Variants in PADI2 observed in about 807,000 individuals in gnomAD.
PADI2 encodes the protein protein-arginine deiminase type-2.
A neutral mutation model predicts 81.1 loss-of-function variants in PADI2; 70 were observed. That is an observed-to-expected ratio of 0.86 (90% CI 0.71 to 1.05). The LOEUF (loss-of-function observed/expected upper bound fraction) is 1.05. PADI2 is among the 50% of genes least tolerant of loss of function. The pLI is 0.00. For missense variants in PADI2, 853 were observed against 889.9 expected, an observed-to-expected ratio of 0.96 and a Z score of 0.53; for synonymous variants, 338 against 358.0, an observed-to-expected ratio of 0.94 and a Z score of 0.63.
intron 1 of PADI2, among the ~76,000 whole-genome samples, chr1:17,105,543 C>T (rs1451660191): frequency 6.6e-6 from 1 of 152,080 alleles, no homozygotes; most frequent in Non-Finnish European, 1.5e-5. Context: ...TACAGGCATG[C>T]ACCACCACAG....
chr1:17,101,033 TG>T (rs1351564897), intron 3 of PADI2, among the ~76,000 whole-genome samples: 4 of 151,766 alleles, frequency 2.6e-5, no homozygotes, highest in Non-Finnish European at 5.9e-5. Context: ...TCTCATTTTT[TG>T]GGGGGTGGGG....
At chr1:17,075,893 GTC>G in intron 11 of PADI2, 70 bp from the exon 12 acceptor site, 1 of 1,494,968 alleles carries the variant, frequency 6.7e-7, no homozygotes, top group East Asian at 2.3e-5. Flanking sequence ...GAGGAGTTTG[GTC>G]TCTGGGACCC....
chr1:17,103,143 C>A, intron 2 of PADI2, 84 bp from the exon 3 acceptor site: 1 of 944,430 alleles, frequency 1.1e-6, no homozygotes. Flanking sequence ...GAAGCAACTG[C>A]TGTCCCTCAC....
chr1:17,103,385 G>A (rs751382683), intron 2 of PADI2, among the ~76,000 whole-genome samples: 70 of 152,202 alleles, frequency 4.6e-4, no homozygotes, highest in Non-Finnish European at 8.8e-4. Context: ...AGGGGACAGG[G>A]CTGAGGCTAT....
At chr1:17,084,524 C>G in intron 8 of PADI2, 75 bp downstream of exon 8, 3 of 852,260 alleles carry the variant, frequency 3.5e-6, no homozygotes, top group Non-Finnish European at 5.6e-6. Context: ...GGGCCAGGAA[C>G]TAGACTCATG....
chr1:17,110,388 G>A (rs1039118568), intron 1 of PADI2, among the ~76,000 whole-genome samples: 6 of 152,128 alleles, frequency 3.9e-5, no homozygotes, highest in Non-Finnish European at 7.3e-5. Flanking sequence ...CCAGGACATG[G>A]ATATGCTCAG....
intron 3 of PADI2, among the ~76,000 whole-genome samples, chr1:17,097,219 C>T (rs1272212264): frequency 2.0e-5 from 3 of 152,190 alleles, no homozygotes; most frequent in South Asian, 2.1e-4. Context: ...GGTTAGTCCC[C>T]GTGGCAGGCA....
chr1:17,083,439 A>G (rs2078361736), intron 9 of PADI2: 2 of 400,540 alleles, frequency 5.0e-6, no homozygotes, highest in South Asian at 3.7e-5. Flanking sequence ...ATCCATATTG[A>G]GAGACTGGCT....
chr1:17,075,708 T>G lies in PADI2; in HGVS notation c.1426A>C (p.Met476Leu). ...WLTVGHVDEF[M>L]SFVPIPGTKK... ...GTGCCGGGGATGGGGACAAAGGACA[T>G]GAACTCATCCACGTGGCCCACAGTC... The change falls in exon 12 of 16, where the codon ATG becomes CTG. Residue 476 changes from methionine to leucine, a missense_variant. By Grantham distance (15) the Met-to-Leu change is conservative. Transcript: ENST00000375486. 1 of 1,613,938 alleles carries G rather than the reference T, an allele frequency of 6.2e-7. No homozygotes were observed. Among genetic ancestry groups the G allele is most frequent in the South Asian group, 1.1e-5 (1 of 91,070 alleles).
Position 17,096,137 on chromosome 1 carries a change from C to G in PADI2, c.350-167G>C, listed in dbSNP as rs144357438. Among the ~76,000 whole-genome samples, 499 of 152,346 alleles carry G rather than the reference C, an allele frequency of 3.3e-3. 1 individual carries two copies. Among genetic ancestry groups the G allele is most frequent in the African/African-American group, 0.011 (471 of 41,588 alleles). On this transcript the variant is annotated intron_variant, in intron 3 of 15. Coordinates refer to ENST00000375486, the MANE Select transcript of PADI2 (RefSeq NM_007365.3). ...TGCAACCCCCTGCCTCAACATCCCA[C>G]TACCCACTGGAGACCGTCAGCAGAC...
chr1:17,085,320 A>AC (rs1054625983), intron 7 of PADI2, among the ~76,000 whole-genome samples: 1 of 151,928 alleles, frequency 6.6e-6, no homozygotes, highest in Non-Finnish European at 1.5e-5. Flanking sequence ...TAGGAAATGG[A>AC]CCCCATCCTT....
At position 17,068,883 on chromosome 1, in the gene PADI2, C is replaced by T; in HGVS notation, c.*161G>A. ...GGATGGCTTCAGAGGACACTGAGGC[C>T]CCTCTCAGGGAGGGCAAGGCACAGA... is the stretch of plus-strand genomic sequence containing the variant. On this transcript the variant is annotated 3_prime_UTR_variant, in exon 16 of 16. Transcript: ENST00000375486. 1 of 628,844 alleles carries T rather than the reference C, an allele frequency of 1.6e-6. No individual in the cohort carries two copies. Among genetic ancestry groups the T allele is most frequent in the South Asian group, 1.9e-5 (1 of 53,070 alleles). The allele number at this position is 628,844 out of a possible 1,614,324, so 39.0% of individuals were successfully genotyped here. A position where few individuals can be genotyped will look rare whatever the true frequency, so the allele number is the denominator to read the frequency against.
rs966038453 is a variant in PADI2, at chr1:17,089,658, G to A, written c.655+2750C>T. Among the ~76,000 whole-genome samples the A allele has an allele frequency of 3.3e-5, 5 of 152,134 alleles. No homozygotes were observed. The South Asian group carries it at 6.2e-4, about 19-fold the overall frequency. On this transcript the variant is annotated intron_variant, in intron 6 of 15. Coordinates refer to ENST00000375486, the MANE Select transcript of PADI2 (RefSeq NM_007365.3). ...CTGACAGTTGGGGCCAGCTCCGGGC[G>A]GACTGATTTCTTGGTGGGAACAATT...
chr1:17,092,123 C>A (rs1372938317), intron 6 of PADI2, among the ~76,000 whole-genome samples: 1 of 152,114 alleles, frequency 6.6e-6, no homozygotes, highest in Non-Finnish European at 1.5e-5. Context: ...TGACATGACT[C>A]CAGAAAAGAA....
chr1:17,083,863 G>A (rs1348540184), intron 8 of PADI2, 26 bp from the exon 9 acceptor site: 2 of 1,434,952 alleles, frequency 1.4e-6, no homozygotes, highest in African/African-American at 2.8e-5. Context: ...AAGAAGGAGA[G>A]GCCAGGAGAA....
intron 1 of PADI2, among the ~76,000 whole-genome samples, chr1:17,106,947 G>A (rs1241909499): frequency 6.6e-6 from 1 of 152,110 alleles, no homozygotes; most frequent in Non-Finnish European, 1.5e-5. Flanking sequence ...CCTGATCTCG[G>A]ACTTCCAGCC....
intron 2 of PADI2, among the ~76,000 whole-genome samples, chr1:17,104,058 G>A (rs773894806): frequency 3.8e-4 from 57 of 151,540 alleles, no homozygotes; most frequent in Admixed American, 3.2e-3. Flanking sequence ...CAAGGTGGGC[G>A]GATCACAAGG....
In PADI2 at chr1:17,071,389, C is replaced by T. The variant is rs762901514; in HGVS notation, c.1635+17G>A. The T allele has an allele frequency of 8.2e-5, 131 of 1,598,274 alleles. 1 individual carries two copies. In the Middle Eastern group the frequency reaches 8.5e-4, roughly 10 times the overall value. On this transcript the variant is annotated intron_variant, in intron 14 of 15. Transcript: ENST00000375486. ...TCCCAGGGGCCCTCTGGCCCTGCACCCCTGCCCTGCCCTCACCTGGAAGTA... is the reference window on the plus strand; with the variant it reads ...TCCCAGGGGCCCTCTGGCCCTGCACTCCTGCCCTGCCCTCACCTGGAAGTA...
chr1:17,098,091 AC>A (rs1931008121), intron 3 of PADI2, among the ~76,000 whole-genome samples: 1 of 151,316 alleles, frequency 6.6e-6, no homozygotes, highest in African/African-American at 2.5e-5. Context: ...CAGGGAAGTG[AC>A]CACCGAAGTT....
Sources: gnomAD v4.1 joint callset for allele counts (sites outside exome capture counted in the v4.1 genomes callset) on GRCh38, gnomAD v4.1.1 for gene constraint, MANE v1.5 for transcripts, NCBI Gene and HGNC (gene_info 2026-07-23, HGNC 2026-07-21) for gene names.